The following LRP1B variants were observed in gnomAD, a reference collection of about 807,000 sequenced individuals.
LRP1B encodes low-density lipoprotein receptor-related protein 1B.
A neutral mutation model predicts 556.6 loss-of-function variants in LRP1B; 217 were observed. The observed-to-expected ratio is 0.39, with a 90% CI of 0.35 to 0.44. The LOEUF is 0.44. LRP1B is among the 20% of genes least tolerant of loss of function. LRP1B has a pLI of 1.00. For missense variants in LRP1B, 5,053 were observed against 5,620.8 expected, an observed-to-expected ratio of 0.90 and a Z score of 3.23; for synonymous variants, 2,047 against 1,865.8, an observed-to-expected ratio of 1.10 and a Z score of -2.50.
At position 140,609,576 on chromosome 2, in the gene LRP1B, A is replaced by G. The variant is rs1442499397; in HGVS notation, c.6800-7937T>C. ...CCAATCTTAATTATCCATATAAATTAGTTCTCCTAATGATCTGTGAATTAT... is the reference window on the plus strand; with the variant it reads ...CCAATCTTAATTATCCATATAAATTGGTTCTCCTAATGATCTGTGAATTAT... On this transcript the variant is annotated intron_variant, in intron 41 of 90. Coordinates refer to ENST00000389484, the MANE Select transcript of LRP1B (RefSeq NM_018557.3). Among the ~76,000 whole-genome samples, 3 of 152,368 alleles carry G rather than the reference A, an allele frequency of 2.0e-5. No homozygotes were observed. In the East Asian group the frequency reaches 5.8e-4, roughly 29 times the overall value.
At chr2:140,380,219 A>T (rs1683411059) in intron 67 of LRP1B, among the ~76,000 whole-genome samples, 1 of 152,136 alleles carries the variant, frequency 6.6e-6, no homozygotes, top group Non-Finnish European at 1.5e-5. Flanking sequence ...CTATTAATTG[A>T]ACTTGAATCA....
chr2:141,751,529 G>A (rs1410394709), intron 2 of LRP1B, among the ~76,000 whole-genome samples: 1 of 152,060 alleles, frequency 6.6e-6, no homozygotes, highest in East Asian at 1.9e-4. Context: ...TGACAACTGT[G>A]CTGATTGGAA....
chr2:141,247,283 T>G lies in LRP1B; in HGVS notation c.535A>C (p.Ser179Arg), dbSNP rs1385747647. 2.5e-6 allele frequency: 4 copies of G among 1,613,668 alleles called. No individual in the cohort carries two copies. Among genetic ancestry groups the G allele is most frequent in the Non-Finnish European group, 2.5e-6 (3 of 1,179,772 alleles). Residue 179 changes from serine to arginine, a missense_variant, in exon 5 of 91, where the codon AGT (serine) becomes CGT (arginine). Ser to Arg is a moderately radical substitution (Grantham distance 110). Transcript: ENST00000389484. Reference protein sequence around the residue: ...CRNTHGSYTCSCVEGYLMQPD... With the variant: ...CRNTHGSYTCRCVEGYLMQPD... ...TGCATTAGGTAGCCTTCCACACAAC[T>G]GCAAGTGTAGGATCCATGTGTGTTT...
intron 2 of LRP1B, among the ~76,000 whole-genome samples, chr2:141,639,111 G>A (rs1689213370): frequency 7.7e-6 from 1 of 130,696 alleles, no homozygotes; most frequent in Non-Finnish European, 1.6e-5. Flanking sequence ...GCAGTGAGGG[G>A]CAAGCCATTG....
At chr2:140,294,221 C>A (rs1573746606) in intron 84 of LRP1B, among the ~76,000 whole-genome samples, 1 of 151,972 alleles carries the variant, frequency 6.6e-6, no homozygotes, top group Non-Finnish European at 1.5e-5. Flanking sequence ...AATTGGGAAC[C>A]AAAAGACAGA....
intron 7 of LRP1B, among the ~76,000 whole-genome samples, chr2:141,062,989 G>T (rs564053083): frequency 1.7e-3 from 251 of 151,800 alleles, no homozygotes; most frequent in Non-Finnish European, 3.0e-3. Context: ...TGTGCTAATG[G>T]TGTCTGTCAA....
At chr2:141,735,237 T>C (rs1264336085) in intron 2 of LRP1B, among the ~76,000 whole-genome samples, 1 of 151,550 alleles carries the variant, frequency 6.6e-6, no homozygotes, top group African/African-American at 2.4e-5. Flanking sequence ...TCTGTTGGGA[T>C]GTAATATTCA....
intron 68 of LRP1B, among the ~76,000 whole-genome samples, chr2:140,376,278 AAAG>A (rs138893362): frequency 0.022 from 3,327 of 152,294 alleles, 45 homozygotes; most frequent in Non-Finnish European, 0.023. Context: ...ATAAGATTTT[AAAG>A]AAGTAGTAGT....
At position 141,015,567 on chromosome 2, in the gene LRP1B, C is replaced by T. The variant is rs1050881704; in HGVS notation, c.2190+129G>A. ...TTAATGCTCAGCCTGCTTCAGCCAC[C>T]CCATGGAGACTATTGGCAGCCACCT... On this transcript the variant is annotated intron_variant, in intron 13 of 90. Transcript: ENST00000389484. The T allele has an allele frequency of 6.8e-6, 5 of 730,178 alleles. No homozygotes were observed. The Admixed American group carries it at 8.1e-5, about 12-fold the overall frequency. 45.2% of individuals were successfully genotyped at this position (730,178 alleles called of 1,614,324 possible).
At chr2:140,774,425 C>T (rs1689421135) in intron 33 of LRP1B, among the ~76,000 whole-genome samples, 1 of 152,008 alleles carries the variant, frequency 6.6e-6, no homozygotes, top group Admixed American at 6.6e-5. Flanking sequence ...ATGTTTCCCC[C>T]TAAAAACTTC....
intron 43 of LRP1B, among the ~76,000 whole-genome samples, chr2:140,558,589 G>C (rs191996937): frequency 6.6e-6 from 1 of 152,200 alleles, no homozygotes; most frequent in East Asian, 1.9e-4. Context: ...GGGCTGAGGG[G>C]AGTGAGAGTT....
intron 2 of LRP1B, among the ~76,000 whole-genome samples, chr2:141,782,514 C>CTTTTTTTTTTTTTTTTTTTTTTTTTTTTT (rs5834867): frequency 1.0e-5 from 1 of 97,864 alleles, no homozygotes; most frequent in Non-Finnish European, 1.9e-5. Context: ...TTCTATTTTC[C>CTTTTTTTTTTTTTTTTTTTTTTTTTTTTT]TTTTTTTTTT....
chr2:140,349,028 A>G (rs1681830383), intron 77 of LRP1B, among the ~76,000 whole-genome samples: 1 of 152,068 alleles, frequency 6.6e-6, no homozygotes, highest in East Asian at 1.9e-4. Flanking sequence ...ACAGTTCACA[A>G]TAGGGTTTGC....
intron 7 of LRP1B, among the ~76,000 whole-genome samples, chr2:141,171,212 T>C (rs1406746386): frequency 6.6e-6 from 1 of 152,082 alleles, no homozygotes; most frequent in Non-Finnish European, 1.5e-5. Context: ...ATAGATTACA[T>C]TGCTTCACTC....
chr2:141,764,911 C>T (rs1694684995), intron 2 of LRP1B, among the ~76,000 whole-genome samples: 1 of 152,102 alleles, frequency 6.6e-6, no homozygotes, highest in Admixed American at 6.5e-5. Context: ...TTTTCCCATA[C>T]TGTTTGTTTT....
Position 140,702,593 on chromosome 2 carries a change from T to A in LRP1B, c.6024-40A>T, listed in dbSNP as rs763799171. The A allele has an allele frequency of 4.4e-6, 7 of 1,593,598 alleles. No homozygotes were observed. In the South Asian group the frequency reaches 6.6e-5, roughly 15 times the overall value. Reference sequence around the variant, plus strand: ...TTAATTTGTAGTGTTTATGTACATTTATTTGTAGTATGCAGAGCTATGCAA... The same window carrying A: ...TTAATTTGTAGTGTTTATGTACATTAATTTGTAGTATGCAGAGCTATGCAA... On this transcript the variant is annotated intron_variant, in intron 37 of 90. Transcript: ENST00000389484.
chr2:141,243,354 G>A (rs960989658), intron 5 of LRP1B, among the ~76,000 whole-genome samples: 9 of 152,000 alleles, frequency 5.9e-5, no homozygotes, highest in Admixed American at 1.3e-4. Flanking sequence ...ATGGTGGTTC[G>A]TGCCTGTGGT....
intron 21 of LRP1B, among the ~76,000 whole-genome samples, chr2:140,913,410 T>G (rs1694481516): frequency 6.6e-6 from 1 of 151,916 alleles, no homozygotes; most frequent in South Asian, 2.1e-4. Context: ...TATGTATGAT[T>G]GGAAGGATGA....
rs115014559 is a variant in LRP1B at position 141,534,595 on chromosome 2, G to C, written c.206-54062C>G. On this transcript the variant is annotated intron_variant, in intron 2 of 90. Transcript: ENST00000389484. ...CTGTCTTTCCAGCTCAACACACACAGAACAGGGAAACAAATTTGTATATAT... is the reference window on the plus strand; with the variant it reads ...CTGTCTTTCCAGCTCAACACACACACAACAGGGAAACAAATTTGTATATAT... 6.6e-3 allele frequency among the ~76,000 whole-genome samples: 1,002 copies of C among 152,094 alleles called. 11 individuals carry two copies. The highest frequency in any genetic ancestry group is 0.023 in the African/African-American group (961 of 41,506).
Sources: gnomAD v4.1 joint callset for allele counts (sites outside exome capture counted in the v4.1 genomes callset) on GRCh38, gnomAD v4.1.1 for gene constraint, MANE v1.5 for transcripts, NCBI Gene and HGNC (gene_info 2026-07-23, HGNC 2026-07-21) for gene names.